ERGIC3: variants seen among roughly 807,000 people sequenced by gnomAD.
The protein encoded by ERGIC3 is endoplasmic reticulum-Golgi intermediate compartment protein 3.
Under a neutral mutation model 54.7 loss-of-function variants are expected in ERGIC3, and 33 were observed. The observed-to-expected ratio is 0.60, with a 90% CI of 0.46 to 0.81. The LOEUF (loss-of-function observed/expected upper bound fraction) is 0.81. Ranked by LOEUF, ERGIC3 falls within the 30% of genes least tolerant of loss-of-function variation. The pLI is 0.00. For synonymous variants in ERGIC3, 186 were observed against 189.8 expected, an observed-to-expected ratio of 0.98 and a Z score of 0.16; for missense variants, 399 against 488.4, an observed-to-expected ratio of 0.82 and a Z score of 1.73.
rs748880832 is a variant in ERGIC3, at chr20:35,542,546, G to A, written c.193G>A (p.Gly65Arg). 6.2e-7 allele frequency: 1 copy of A among 1,613,946 alleles called. No individual in the cohort carries two copies. The highest frequency in any genetic ancestry group is 1.1e-5 in the South Asian group (1 of 91,074). Residue 65 changes from glycine (G) to arginine (R), a missense_variant, in exon 3 of 13, where the codon GGA becomes AGA. Physicochemically the swap from Gly to Arg is moderately radical, Grantham distance 125. Coordinates refer to ENST00000348547, the MANE Select transcript of ERGIC3 (RefSeq NM_015966.3). ...HPELYVDKSR[G>R]DKLKINIDVL... Reference sequence around the variant, plus strand: ...TGAGCTCTACGTGGACAAGTCGCGGGGAGATAAACTGAAGATCAACATCGA... The same window carrying A: ...TGAGCTCTACGTGGACAAGTCGCGGAGAGATAAACTGAAGATCAACATCGA...
At chr20:35,544,018 CTAT>C (rs2064632689) in intron 4 of ERGIC3, 2 of 49,314 alleles carry the variant, frequency 4.1e-5, no homozygotes, top group African/African-American at 3.3e-4. Flanking sequence ...AATCTACTAT[CTAT>C]CTATCTATCT....
At chr20:35,554,859 A>T (rs1055522441) in intron 7 of ERGIC3, 185 bp from the exon 8 acceptor site, 10 of 721,764 alleles carry the variant, frequency 1.4e-5, no homozygotes, top group Non-Finnish European at 2.2e-5. Flanking sequence ...GAGGGCGTGA[A>T]CTCTCACACA....
chr20:35,544,423 A>AG, intron 4 of ERGIC3: 1 of 301,376 alleles, frequency 3.3e-6, no homozygotes, highest in Admixed American at 4.4e-5. Context: ...AGGGCAGGAC[A>AG]GGGGGCTCAG....
Position 35,548,545 on chromosome 20 carries a change from T to C in ERGIC3, c.498T>C (p.Tyr166=). ...CNTCEDVREA[Y]RRRGWAFKNP... Reference sequence around the variant, plus strand: ...CCTGTGAAGATGTGCGGGAGGCATATCGCCGTAGAGGCTGGGCCTTCAAGA... The same window carrying C: ...CCTGTGAAGATGTGCGGGAGGCATACCGCCGTAGAGGCTGGGCCTTCAAGA... Residue 166 remains tyrosine (Y), a synonymous_variant, in exon 6 of 13, where the codon TAT becomes TAC. Coordinates refer to ENST00000348547, the MANE Select transcript of ERGIC3 (RefSeq NM_015966.3). 1 of 1,614,208 alleles carries C rather than the reference T, an allele frequency of 6.2e-7. No homozygotes were observed. The highest frequency in any genetic ancestry group is 8.5e-7 in the Non-Finnish European group (1 of 1,180,042).
chr20:35,555,522 A>G (rs901891809), intron 8 of ERGIC3, among the ~76,000 whole-genome samples: 1 of 152,200 alleles, frequency 6.6e-6, no homozygotes, highest in Non-Finnish European at 1.5e-5. Context: ...AGATCCTTCT[A>G]GTGTCTGAGG....
In ERGIC3 at chr20:35,557,226, C is replaced by T; in HGVS notation, c.1049C>T (p.Ala350Val). 3 of 1,614,178 alleles carry T rather than the reference C, an allele frequency of 1.9e-6. No individual in the cohort carries two copies. The highest frequency in any genetic ancestry group is 2.5e-6 in the Non-Finnish European group (3 of 1,180,028). The stretch of plus-strand genomic sequence containing the variant: ...ACCCACTTCCTGACAGGTGTGTGCG[C>T]CATCATTGGGGGCATGTTCACAGGT... ...SFTHFLTGVC[A>V]IIGGMFTVAG... is the part of the protein sequence containing the mutation. Residue 350 changes from alanine to valine, a missense_variant, in exon 12 of 13, where the codon GCC becomes GTC. By Grantham distance (64) the Ala-to-Val change is moderately conservative. Coordinates refer to ENST00000348547, the MANE Select transcript of ERGIC3 (RefSeq NM_015966.3).
Position 35,550,722 on chromosome 20 carries a change from G to A in ERGIC3, c.685+1857G>A, listed in dbSNP as rs117248227. On this transcript the variant is annotated intron_variant, in intron 7 of 12. Coordinates refer to ENST00000348547, the MANE Select transcript of ERGIC3 (RefSeq NM_015966.3). ...ACTCTGCATGAGATGAGAAGCCATT[G>A]TAGGGCCCTGAAGAAGGTGAGGCAT... 4.2e-3 allele frequency among the ~76,000 whole-genome samples: 647 copies of A among 152,330 alleles called. 2 individuals are homozygous for A. Among genetic ancestry groups the A allele is most frequent in the Middle Eastern group, 6.8e-3 (2 of 294 alleles).
In ERGIC3 at chr20:35,542,527, C is replaced by T. The variant is rs147514649; in HGVS notation, c.174C>T (p.Leu58=). 1.6e-4 allele frequency: 254 copies of T among 1,613,872 alleles called. No individual in the cohort carries two copies. The highest frequency in any genetic ancestry group is 2.1e-4 in the Non-Finnish European group (249 of 1,180,020). ...CGCTGCCCCAGGTGCATCCTGAGCT[C>T]TACGTGGACAAGTCGCGGGGAGATA... The part of the protein sequence containing the change: ...YYLTTEVHPE[L]YVDKSRGDKL... Residue 58 remains leucine (L), a synonymous_variant, in exon 3 of 13, where the codon CTC becomes CTT. Coordinates refer to ENST00000348547, the MANE Select transcript of ERGIC3 (RefSeq NM_015966.3).
chr20:35,554,553 C>T (rs1248455927), intron 7 of ERGIC3, among the ~76,000 whole-genome samples: 1 of 152,130 alleles, frequency 6.6e-6, no homozygotes, highest in Non-Finnish European at 1.5e-5. Context: ...TTCCTTGCAG[C>T]AGGAGGGATT....
chr20:35,552,520 A>G lies in ERGIC3; in HGVS notation c.686-2524A>G, dbSNP rs189504256. On this transcript the variant is annotated intron_variant, in intron 7 of 12. Transcript: ENST00000348547. ...CAAAGGTGAGGGAGTCAAATATGTA[A>G]AGAACTCATCTTGATTCTGGACCAC... Among the ~76,000 whole-genome samples, 149 of 152,292 alleles carry G rather than the reference A, an allele frequency of 9.8e-4. 1 individual carries two copies. Among genetic ancestry groups the G allele is most frequent in the Non-Finnish European group, 1.3e-4 (9 of 68,024 alleles).
chr20:35,548,409 C>T (rs2064662570), intron 5 of ERGIC3, 100 bp from the exon 6 acceptor site: 5 of 1,290,862 alleles, frequency 3.9e-6, no homozygotes, highest in Non-Finnish European at 1.1e-6. Context: ...GCTAGCAGAG[C>T]CTTCATTAGC....
At chr20:35,555,688 C>T (rs900989056) in intron 8 of ERGIC3, among the ~76,000 whole-genome samples, 4 of 151,664 alleles carry the variant, frequency 2.6e-5, no homozygotes, top group African/African-American at 9.7e-5. Context: ...CATGGTGGCT[C>T]ATGCTTGTAA....
intron 7 of ERGIC3, chr20:35,554,836 A>G (rs769808518): frequency 5.5e-4 from 363 of 658,494 alleles, no homozygotes; most frequent in Non-Finnish European, 6.9e-4. Context: ...GGTCTGTTCT[A>G]AAGACTCCTG....
chr20:35,556,378 T>C, intron 10 of ERGIC3, 107 bp downstream of exon 10: 4 of 1,211,030 alleles, frequency 3.3e-6, no homozygotes, highest in Non-Finnish European at 4.9e-6. Context: ...CGTCCTCACA[T>C]GGCGAATAAA....
At chr20:35,550,746 AT>A (rs2064677744) in intron 7 of ERGIC3, among the ~76,000 whole-genome samples, 1 of 152,216 alleles carries the variant, frequency 6.6e-6, no homozygotes. Context: ...AAGGTGAGGC[AT>A]GATCTGACTT....
At position 35,542,931 on chromosome 20, in the gene ERGIC3, T is replaced by C. The variant is rs2064625062; in HGVS notation, c.357T>C (p.Ala119=). The C allele has an allele frequency of 1.9e-6, 3 of 1,614,002 alleles. No homozygotes were observed. Among genetic ancestry groups the C allele is most frequent in the Admixed American group, 1.7e-5 (1 of 60,004 alleles). Residue 119 remains alanine (A), a synonymous_variant, in exon 4 of 13, where the codon GCT becomes GCC. Coordinates refer to ENST00000348547, the MANE Select transcript of ERGIC3 (RefSeq NM_015966.3). The part of the protein sequence containing the change: ...DKDGIPVSSE[A]ERHELGKVEV... ...ATGGCATCCCCGTGAGCTCAGAGGC[T>C]GAGCGGCATGGTAACCAGGGGAGGG...
intron 7 of ERGIC3, among the ~76,000 whole-genome samples, chr20:35,550,479 G>A (rs1004724558): frequency 2.0e-5 from 3 of 152,100 alleles, no homozygotes; most frequent in African/African-American, 7.2e-5. Context: ...AGCTGGGTGT[G>A]GTGGCACACG....
intron 10 of ERGIC3, 197 bp downstream of exon 10, chr20:35,556,468 G>GCT (rs2064713358): frequency 1.6e-6 from 1 of 608,850 alleles, no homozygotes; most frequent in Admixed American, 3.0e-5. Context: ...TAAAGCGCCT[G>GCT]CTCTTTCTGC....
In ERGIC3 at chr20:35,542,326, C is replaced by T. The variant is rs1601357862; in HGVS notation, c.92C>T (p.Thr31Ile). ...RVKTCGGATV[T>I]IVSGLLMLLL... is the part of the protein sequence containing the mutation. ...ACCCTCGCCCCTTGTCCTGCAGTGA[C>T]CATTGTCAGTGGCCTTCTCATGCTG... Residue 31 changes from threonine to isoleucine, a missense_variant, in exon 2 of 13, where the codon ACC (threonine) becomes ATC (isoleucine). Physicochemically the swap from Thr to Ile is moderately conservative, Grantham distance 89 (BLOSUM62 -1). Transcript: ENST00000348547. 1 of 1,614,052 alleles carries T rather than the reference C, an allele frequency of 6.2e-7. No individual in the cohort carries two copies. The highest frequency in any genetic ancestry group is 2.2e-5 in the East Asian group (1 of 44,856).
Sources: gnomAD v4.1 joint callset for allele counts (sites outside exome capture counted in the v4.1 genomes callset) on GRCh38, gnomAD v4.1.1 for gene constraint, MANE v1.5 for transcripts, NCBI Gene and HGNC (gene_info 2026-07-23, HGNC 2026-07-21) for gene names.